The following GRID2 variants were observed in gnomAD, a reference collection of about 807,000 sequenced individuals.
GRID2 encodes glutamate ionotropic receptor delta type subunit 2.
A neutral mutation model predicts 114.8 loss-of-function variants in GRID2; 33 were observed. The ratio of observed to expected loss-of-function variants is 0.29; its 90% CI spans 0.22 to 0.38. The LOEUF (loss-of-function observed/expected upper bound fraction) is 0.38, where lower values mean the gene tolerates loss of function less well. Among genes scored for constraint, GRID2 ranks in the 10% least tolerant of loss-of-function variants. The probability of loss-of-function intolerance (pLI) is 1.00; values close to 1 mark genes in which losing one functional copy is unlikely to be tolerated. For missense variants in GRID2, 1,184 were observed against 1,257.7 expected, an observed-to-expected ratio of 0.94 and a Z score of 0.89; for synonymous variants, 505 against 449.9, an observed-to-expected ratio of 1.12 and a Z score of -1.55.
At chr4:92,740,029 A>G (rs574576965) in intron 2 of GRID2, among the ~76,000 whole-genome samples, 3 of 152,308 alleles carry the variant, frequency 2.0e-5, no homozygotes, top group African/African-American at 7.2e-5. Context: ...ATTTCAATAT[A>G]GAATAATATA....
chr4:92,832,484 C>T (rs1742183427), intron 2 of GRID2, among the ~76,000 whole-genome samples: 2 of 152,150 alleles, frequency 1.3e-5, no homozygotes, highest in South Asian at 4.1e-4. Context: ...ACCTCCGCCT[C>T]CCGGGTTCAA....
chr4:93,654,633 A>T (rs1160226543), intron 14 of GRID2, among the ~76,000 whole-genome samples: 1 of 152,210 alleles, frequency 6.6e-6, no homozygotes, highest in East Asian at 1.9e-4. Context: ...ATACAAGAGA[A>T]TAAAAATAGA....
At chr4:93,407,729 C>CCTCCTCCTT (rs1766617523) in intron 9 of GRID2, among the ~76,000 whole-genome samples, 2 of 40,100 alleles carry the variant, frequency 5.0e-5, no homozygotes, top group Non-Finnish European at 1.2e-4. Context: ...TCCTTCTCCT[C>CCTCCTCCTT]CTCCTCCTCC....
intron 13 of GRID2, among the ~76,000 whole-genome samples, chr4:93,517,466 C>A (rs977564685): frequency 6.6e-6 from 1 of 151,960 alleles, no homozygotes; most frequent in Admixed American, 6.6e-5. Flanking sequence ...AAATGCTCTT[C>A]TGAATGAATT....
Position 93,207,445 on chromosome 4 carries a change from C to A in GRID2, c.777C>A (p.Ile259=). 6.3e-7 allele frequency: 1 copy of A among 1,591,770 alleles called. No individual in the cohort carries two copies. Among genetic ancestry groups the A allele is most frequent in the Non-Finnish European group, 8.6e-7 (1 of 1,160,418 alleles). The stretch of plus-strand genomic sequence containing the variant: ...TGGTTGCTTTTGACTGTCACTGGAT[C>A]ATTATAAATGAGGTAAAGCCAACTA... ...TNLVAFDCHW[I]IINEEINDVD... is the part of the protein sequence containing the mutation. The change falls in exon 5 of 16, where the codon ATC becomes ATA. Residue 259 remains isoleucine, a synonymous_variant. Transcript: ENST00000282020.
At chr4:93,243,470 A>AC (rs1378392378) in intron 8 of GRID2, among the ~76,000 whole-genome samples, 2 of 152,048 alleles carry the variant, frequency 1.3e-5, no homozygotes, top group East Asian at 3.9e-4. Flanking sequence ...TTTTCAGTTG[A>AC]CGGACTGTCA....
At chr4:92,782,835 C>T (rs1373588897) in intron 2 of GRID2, among the ~76,000 whole-genome samples, 1 of 151,894 alleles carries the variant, frequency 6.6e-6, no homozygotes, top group Non-Finnish European at 1.5e-5. Context: ...TCTTCATCTT[C>T]CAACAGAAGT....
At chr4:92,636,393 C>T (rs1407729253) in intron 2 of GRID2, among the ~76,000 whole-genome samples, 1 of 151,932 alleles carries the variant, frequency 6.6e-6, no homozygotes, top group Admixed American at 6.6e-5. Flanking sequence ...AAAAAAAATT[C>T]TCAGATATTT....
rs1399424073 is a variant in GRID2 at position 93,048,143 on chromosome 4, T to G, written c.245-36852T>G. ...AGGATGACGGTGCCCCTGTTGTCAT[T>G]TTTAGTAAGTCACGTGTGCCCCACT... On this transcript the variant is annotated intron_variant, in intron 2 of 15. Transcript: ENST00000282020. 2.0e-5 allele frequency among the ~76,000 whole-genome samples: 3 copies of G among 152,014 alleles called. No homozygotes were observed. The East Asian group carries it at 5.8e-4, about 29-fold the overall frequency.
rs147340493 is a variant in GRID2 at position 93,153,498 on chromosome 4, G to C, written c.735+42545G>C. ...GCTTTTTCATCCTTTTCCTAAGCAT[G>C]GTGGTGAATAATATTTCCTGGCATC... On this transcript the variant is annotated intron_variant, in intron 4 of 15. Coordinates refer to ENST00000282020, the MANE Select transcript of GRID2 (RefSeq NM_001510.4). 5.9e-5 allele frequency among the ~76,000 whole-genome samples: 9 copies of C among 152,142 alleles called. No individual in the cohort carries two copies. In the East Asian group the frequency reaches 1.4e-3, roughly 23 times the overall value.
chr4:93,786,011 A>G (rs1397414708), intron 1 of GRID2, among the ~76,000 whole-genome samples: 1 of 152,238 alleles, frequency 6.6e-6, no homozygotes, highest in African/African-American at 2.4e-5. Context: ...ACATTTGATC[A>G]AAGGACAAAA....
chr4:93,560,443 CG>C (rs568196890), intron 13 of GRID2, among the ~76,000 whole-genome samples: 85 of 151,776 alleles, frequency 5.6e-4, no homozygotes, highest in South Asian at 5.4e-3. Flanking sequence ...GCAAGTGTGG[CG>C]GGGAGCTGCC....
At chr4:92,687,902 T>C (rs1579844565) in intron 2 of GRID2, among the ~76,000 whole-genome samples, 2 of 151,932 alleles carry the variant, frequency 1.3e-5, no homozygotes, top group African/African-American at 4.8e-5. Context: ...ATCTTTTTGC[T>C]GATGGAGGGT....
At chr4:93,196,000 C>T (rs1475451139) in intron 4 of GRID2, among the ~76,000 whole-genome samples, 1 of 152,112 alleles carries the variant, frequency 6.6e-6, no homozygotes, top group African/African-American at 2.4e-5. Flanking sequence ...CAGTTGGCAT[C>T]TGGTACCTCA....
At chr4:93,485,325 T>C (rs1269047965) in intron 11 of GRID2, among the ~76,000 whole-genome samples, 2 of 151,806 alleles carry the variant, frequency 1.3e-5, no homozygotes. Flanking sequence ...ATAAATATCT[T>C]CTACTGTGGC....
intron 14 of GRID2, among the ~76,000 whole-genome samples, chr4:93,704,120 A>G (rs1417532162): frequency 1.3e-5 from 2 of 152,258 alleles, no homozygotes; most frequent in East Asian, 3.9e-4. Context: ...CAACAGTGTA[A>G]AAGTGTTCCT....
At chr4:92,626,694 C>T (rs1298058444) in intron 2 of GRID2, among the ~76,000 whole-genome samples, 1 of 151,974 alleles carries the variant, frequency 6.6e-6, no homozygotes, top group Non-Finnish European at 1.5e-5. Flanking sequence ...TAAAATCTTC[C>T]TTGAGTGTTA....
intron 2 of GRID2, among the ~76,000 whole-genome samples, chr4:92,735,070 C>T (rs924701032): frequency 6.6e-6 from 1 of 151,996 alleles, no homozygotes; most frequent in Non-Finnish European, 1.5e-5. Flanking sequence ...TGACTCATTG[C>T]ACCTAACCTG....
intron 12 of GRID2, among the ~76,000 whole-genome samples, chr4:93,503,404 C>G (rs1344268055): frequency 6.6e-6 from 1 of 151,836 alleles, no homozygotes; most frequent in Non-Finnish European, 1.5e-5. Context: ...ATACATGTGC[C>G]ATGTTGGTGT....
Sources: allele counts gnomAD v4.1 joint callset (sites outside exome capture counted in the v4.1 genomes callset), GRCh38; gene constraint gnomAD v4.1.1; transcripts MANE v1.5; gene names NCBI Gene and HGNC (gene_info 2026-07-23, HGNC 2026-07-21).